VPS13A: variants seen among roughly 807,000 people sequenced by gnomAD.
The protein encoded by VPS13A is intermembrane lipid transfer protein VPS13A.
VPS13A carries 264 observed loss-of-function variants against 390.9 expected under a neutral mutation model. The ratio of observed to expected loss-of-function variants is 0.68; its 90% confidence interval spans 0.61 to 0.75. VPS13A has a LOEUF of 0.75. VPS13A is among the 30% of genes least tolerant of loss of function. The pLI, the probability that VPS13A is intolerant of heterozygous loss-of-function variation, is 0.00. For synonymous variants in VPS13A, 1,231 were observed against 1,227.1 expected (o/e 1.00, Z -0.07); for missense variants, 3,409 against 3,733.9 (o/e 0.91, Z 2.27).
intron 1 of VPS13A, among the ~76,000 whole-genome samples, chr9:77,181,943 C>T (rs1190197084): frequency 1.3e-5 from 2 of 152,150 alleles, no homozygotes; most frequent in Non-Finnish European, 2.9e-5. Context: ...AGGACTGACT[C>T]TTGGCAAATT....
At chr9:77,217,510 T>C (rs773667996) in intron 10 of VPS13A, among the ~76,000 whole-genome samples, 8 of 152,194 alleles carry the variant, frequency 5.3e-5, no homozygotes, top group Non-Finnish European at 1.0e-4. Context: ...CCATGCTCTA[T>C]GTCCATATAT....
chr9:77,314,369 G>A (rs545750481), intron 36 of VPS13A, 126 bp from the exon 37 acceptor site: 8 of 1,054,942 alleles, frequency 7.6e-6, no homozygotes, highest in African/African-American at 1.6e-5. Flanking sequence ...TTTCATTAGA[G>A]CCCTTCGGAG....
At chr9:77,408,977 G>C (rs1183171163) in intron 71 of VPS13A, among the ~76,000 whole-genome samples, 2 of 152,204 alleles carry the variant, frequency 1.3e-5, no homozygotes, top group African/African-American at 4.8e-5. Flanking sequence ...CTGGACATCT[G>C]AGAATGGACA....
At chr9:77,339,157 A>G in intron 47 of VPS13A, 1 of 229,670 alleles carries the variant, frequency 4.4e-6, no homozygotes, top group Non-Finnish European at 8.5e-6. Flanking sequence ...TGTAGTTTTC[A>G]AAATAAAAAT....
intron 1 of VPS13A, among the ~76,000 whole-genome samples, chr9:77,198,578 T>G (rs1222651095): frequency 6.6e-6 from 1 of 152,202 alleles, no homozygotes. Context: ...TTAAATCTTT[T>G]TGCTTTTGAC....
chr9:77,285,417 A>G (rs1008291139), intron 31 of VPS13A, among the ~76,000 whole-genome samples: 1 of 152,220 alleles, frequency 6.6e-6, no homozygotes, highest in Non-Finnish European at 1.5e-5. Context: ...TTTTATTTAT[A>G]TATGCCATAA....
rs976234952 is a variant in VPS13A, at chr9:77,416,182, A to G, written c.*176A>G. ...CAAAAAAACAAAACCAGAATCAGGT[A>G]AAACAGCTATGTGATTAAAATATTT... On this transcript the variant is annotated 3_prime_UTR_variant, in exon 72 of 72. Coordinates refer to ENST00000360280, the MANE Select transcript of VPS13A (RefSeq NM_033305.3). 6 of 668,980 alleles carry G rather than the reference A, an allele frequency of 9.0e-6. No individual in the cohort carries two copies. The South Asian group carries it at 1.1e-4, about 12-fold the overall frequency. 41.4% of individuals were successfully genotyped at this position (668,980 alleles called of 1,614,324 possible). A position where few individuals can be genotyped will look rare whatever the true frequency, so the allele number is the denominator to read the frequency against.
chr9:77,368,228 A>T, intron 62 of VPS13A, 92 bp downstream of exon 62: 13 of 994,384 alleles, frequency 1.3e-5, no homozygotes, highest in Non-Finnish European at 2.0e-5. Context: ...ACTATTGAGG[A>T]ACTAAATAGC....
In VPS13A at chr9:77,205,277, T is replaced by G; in HGVS notation, c.188-36T>G. 2.5e-6 allele frequency: 3 copies of G among 1,223,666 alleles called. No homozygotes were observed. In the South Asian group the frequency reaches 4.5e-5, roughly 18 times the overall value. The allele number at this position is 1,223,666 out of a possible 1,614,324, so 75.8% of individuals were successfully genotyped here. The stretch of plus-strand genomic sequence containing the variant: ...ATAAATGCAGGTTGAAGGAGTAATA[T>G]TTTTTGTCCTTTTTTTTTTTCCCAA... On this transcript the variant is annotated intron_variant, in intron 3 of 71. Coordinates refer to ENST00000360280, the MANE Select transcript of VPS13A (RefSeq NM_033305.3).
rs1198998009 is a variant in VPS13A at position 77,283,385 on chromosome 9, T to A, written c.3149T>A (p.Ile1050Asn). The change falls in exon 30 of 72, where the codon ATT (isoleucine) becomes AAT (asparagine). Residue 1050 changes from isoleucine to asparagine, a missense_variant. Coordinates refer to ENST00000360280, the MANE Select transcript of VPS13A (RefSeq NM_033305.3). ...ALKLSTNEDI[I>N]TLQILAELSC... is the part of the protein sequence containing the mutation. ...AAACTATCCACAAATGAAGATATCA[T>A]TACTTTGCAGATTTTAGCAGAATTA... 1 of 1,605,472 alleles carries A rather than the reference T, an allele frequency of 6.2e-7. No homozygotes were observed.
chr9:77,322,580 T>C (rs1587579946), intron 44 of VPS13A, among the ~76,000 whole-genome samples: 1 of 151,926 alleles, frequency 6.6e-6, no homozygotes, highest in Non-Finnish European at 1.5e-5. Context: ...GTAAATGAAA[T>C]TTATGCAAGT....
chr9:77,303,896 T>C (rs1446065591), intron 34 of VPS13A, among the ~76,000 whole-genome samples: 1 of 152,086 alleles, frequency 6.6e-6, no homozygotes, highest in Admixed American at 6.6e-5. Context: ...TTGGGTTTTA[T>C]ACCGAGACAT....
chr9:77,304,588 A>G (rs530264731), intron 34 of VPS13A, among the ~76,000 whole-genome samples: 1 of 152,248 alleles, frequency 6.6e-6, no homozygotes, highest in Non-Finnish European at 1.5e-5. Flanking sequence ...CCATGGAAAT[A>G]TATGAAATAA....
chr9:77,323,217 C>A lies in VPS13A; in HGVS notation c.5981C>A (p.Ser1994Tyr). Residue 1994 changes from serine (S) to tyrosine (Y), a missense_variant, in exon 45 of 72, where the codon TCC (serine) becomes TAC (tyrosine). Around this residue, in one of 5 missense-constraint regions of VPS13A, gnomAD observed 2,717 missense variants for 2,917.4 expected, o/e 0.93. Coordinates refer to ENST00000360280, the MANE Select transcript of VPS13A (RefSeq NM_033305.3). Reference protein sequence around the residue: ...VEGSKKVTIRSPVQIRNHFSV... With the variant: ...VEGSKKVTIRYPVQIRNHFSV... ...GGAAGTAAGAAGGTCACAATTCGCT[C>A]CCCAGTGCAGGTATGAAATGATCAA... 1 of 1,613,012 alleles carries A rather than the reference C, an allele frequency of 6.2e-7. No individual in the cohort carries two copies. Among genetic ancestry groups the A allele is most frequent in the Non-Finnish European group, 8.5e-7 (1 of 1,179,304 alleles).
intron 36 of VPS13A, 89 bp downstream of exon 36, chr9:77,314,208 AT>A: frequency 7.0e-7 from 1 of 1,432,816 alleles, no homozygotes; most frequent in Non-Finnish European, 9.7e-7. Flanking sequence ...AATATTTAAC[AT>A]TTATTTTGTA....
In VPS13A at chr9:77,419,598, A is replaced by G. The variant is rs1172310230; in HGVS notation, c.*3592A>G. The G allele has an allele frequency of 6.6e-6, 1 of 152,140 alleles. No homozygotes were observed. The highest frequency in any genetic ancestry group is 1.9e-4 in the East Asian group (1 of 5,190). 9.4% of individuals were successfully genotyped at this position (152,140 alleles called of 1,614,324 possible). A position where few individuals can be genotyped will look rare whatever the true frequency, so the allele number is the denominator to read the frequency against. ...GATGGAATCACTCTTGGTTTCTAAA[A>G]TATTTTTCTTCTCTGCTGTGTATCG... On this transcript the variant is annotated 3_prime_UTR_variant, in exon 72 of 72. Coordinates refer to ENST00000360280, the MANE Select transcript of VPS13A (RefSeq NM_033305.3).
chr9:77,223,810 A>G (rs1367798385), intron 13 of VPS13A, among the ~76,000 whole-genome samples: 2 of 152,172 alleles, frequency 1.3e-5, no homozygotes, highest in African/African-American at 4.8e-5. Flanking sequence ...GAAGGTGGCT[A>G]TACTAAACAG....
chr9:77,407,567 T>C lies in VPS13A; in HGVS notation c.9434T>C (p.Phe3145Ser), dbSNP rs768844907. 1.2e-6 allele frequency: 2 copies of C among 1,613,188 alleles called. No homozygotes were observed. The highest frequency in any genetic ancestry group is 1.7e-6 in the Non-Finnish European group (2 of 1,179,370). Residue 3145 changes from phenylalanine to serine, a missense_variant, in exon 71 of 72, where the codon TTT (phenylalanine) becomes TCT (serine). This residue lies in a region of VPS13A where 318 missense variants were observed against 333.7 expected (regional missense o/e 0.95). Coordinates refer to ENST00000360280, the MANE Select transcript of VPS13A (RefSeq NM_033305.3). ...RVKSVFHARE[F>S]GKIINFKTPE... ...AAGTCTGTATTTCATGCCAGAGAGT[T>C]TGGAAAAATAATTAACTTCAAGACC...
intron 19 of VPS13A, among the ~76,000 whole-genome samples, chr9:77,241,115 T>G (rs1041551550): frequency 6.6e-6 from 1 of 152,100 alleles, no homozygotes; most frequent in African/African-American, 2.4e-5. Flanking sequence ...CCACTAACTC[T>G]TTACATATAT....
Sources: gnomAD v4.1 joint callset for allele counts (sites outside exome capture counted in the v4.1 genomes callset) on GRCh38, gnomAD v4.1.1 for gene constraint, gnomAD v4.1.1 regional missense constraint, MANE v1.5 for transcripts, NCBI Gene and HGNC (gene_info 2026-07-23, HGNC 2026-07-21) for gene names.